The following VOPP1 variants were observed in gnomAD, a reference collection of about 807,000 sequenced individuals.
The protein encoded by VOPP1 is WW domain binding protein VOPP1.
Under a neutral mutation model 23.5 loss-of-function variants are expected in VOPP1, and 8 were observed. That is an observed-to-expected ratio of 0.34 (90% CI 0.20 to 0.61). The LOEUF (loss-of-function observed/expected upper bound fraction) is 0.61, where lower values mean the gene tolerates loss of function less well. VOPP1 is among the 20% of genes least tolerant of loss of function. The pLI, the probability that VOPP1 is intolerant of heterozygous loss-of-function variation, is 0.78. For missense variants in VOPP1, 174 were observed against 238.1 expected, an observed-to-expected ratio of 0.73 and a Z score of 1.77; for synonymous variants, 83 against 97.3, an observed-to-expected ratio of 0.85 and a Z score of 0.86.
intron 2 of VOPP1, among the ~76,000 whole-genome samples, chr7:55,516,385 G>C (rs1047487988): frequency 2.6e-5 from 4 of 152,170 alleles, no homozygotes; most frequent in Admixed American, 2.6e-4. Flanking sequence ...TTAAGGAAAT[G>C]AAATAAACCT....
At chr7:55,485,410 T>C (rs1245183575) in intron 4 of VOPP1, among the ~76,000 whole-genome samples, 17 of 152,190 alleles carry the variant, frequency 1.1e-4, no homozygotes, top group African/African-American at 2.4e-5. Flanking sequence ...TGAAAGTCGA[T>C]TTAAGGTTGA....
chr7:55,536,415 G>A (rs575109176), intron 1 of VOPP1, among the ~76,000 whole-genome samples: 1 of 152,258 alleles, frequency 6.6e-6, no homozygotes, highest in Admixed American at 6.5e-5. Flanking sequence ...TGTAGTCCCA[G>A]CTACTCGGGA....
intron 1 of VOPP1, chr7:55,561,748 C>CAAAAAAA: frequency 3.3e-6 from 1 of 300,310 alleles, no homozygotes; most frequent in Non-Finnish European, 5.9e-6. Context: ...TCCCCTCTTC[C>CAAAAAAA]AAAAAAAAAA....
chr7:55,534,322 T>A (rs1796658400), intron 1 of VOPP1, among the ~76,000 whole-genome samples: 1 of 152,160 alleles, frequency 6.6e-6, no homozygotes, highest in Non-Finnish European at 1.5e-5. Flanking sequence ...ATTTCTCATA[T>A]AATTTCCTAA....
At chr7:55,546,071 A>T (rs1797354479) in intron 1 of VOPP1, among the ~76,000 whole-genome samples, 1 of 152,066 alleles carries the variant, frequency 6.6e-6, no homozygotes, top group South Asian at 2.1e-4. Flanking sequence ...TGTCTCAATT[A>T]AAAAAAATAA....
At chr7:55,451,144 C>T (rs1452003876) in intron 4 of VOPP1, among the ~76,000 whole-genome samples, 1 of 152,150 alleles carries the variant, frequency 6.6e-6, no homozygotes. Context: ...TGACAATCAT[C>T]CTTGCACCCA....
intron 4 of VOPP1, among the ~76,000 whole-genome samples, chr7:55,449,972 C>A (rs530384256): frequency 2.6e-5 from 4 of 152,214 alleles, no homozygotes; most frequent in Admixed American, 6.5e-5. Flanking sequence ...AGGTGGTCAG[C>A]AGACCTTTGG....
chr7:55,552,656 A>G (rs998334214), intron 1 of VOPP1: 1 of 1,536,008 alleles, frequency 6.5e-7, no homozygotes, highest in Non-Finnish European at 8.7e-7. Flanking sequence ...TTCCTACCAT[A>G]TGACACCGCC....
At position 55,480,357 on chromosome 7, in the gene VOPP1, T is replaced by C. The variant is rs7802810; in HGVS notation, c.329-7312A>G. Among the ~76,000 whole-genome samples the C allele has an allele frequency of 8.6e-3, 1,311 of 152,344 alleles. 19 individuals are homozygous for C. The highest frequency in any genetic ancestry group is 0.03 in the African/African-American group (1,257 of 41,576). ...TACGCACTTTGCCATCTTACCAGAT[T>C]TTCCAATTCATGAATACTTCCTTGT... is the stretch of plus-strand genomic sequence containing the variant. On this transcript the variant is annotated intron_variant, in intron 4 of 4. Transcript: ENST00000285279.
At chr7:55,565,518 T>C (rs945497208) in intron 1 of VOPP1, among the ~76,000 whole-genome samples, 6 of 152,178 alleles carry the variant, frequency 3.9e-5, no homozygotes, top group African/African-American at 1.2e-4. Context: ...CAAAACAATA[T>C]GGGACACTGG....
intron 2 of VOPP1, among the ~76,000 whole-genome samples, chr7:55,518,623 T>A (rs1413970112): frequency 6.6e-6 from 1 of 152,218 alleles, no homozygotes; most frequent in Non-Finnish European, 1.5e-5. Context: ...GGGTTGGCGC[T>A]GCTGACTGCA....
chr7:55,442,779 G>C (rs563476854), intron 4 of VOPP1, among the ~76,000 whole-genome samples: 1 of 152,196 alleles, frequency 6.6e-6, no homozygotes, highest in Non-Finnish European at 1.5e-5. Context: ...GCTAGGCCCA[G>C]AGAGTGGGTG....
Position 55,470,781 on chromosome 7 carries a change from A to G in VOPP1, c.*2074T>C, listed in dbSNP as rs1791766130. On this transcript the variant is annotated 3_prime_UTR_variant, in exon 5 of 5. Transcript: ENST00000285279. The stretch of plus-strand genomic sequence containing the variant: ...AATTCTACACACCAGGAGCTGTCTC[A>G]CTCCAGGAAGTGGGCACAACCCACC... 6.6e-6 allele frequency: 1 copy of G among 152,230 alleles called. No individual in the cohort carries two copies. Among genetic ancestry groups the G allele is most frequent in the South Asian group, 2.1e-4 (1 of 4,824 alleles). 9.4% of individuals were successfully genotyped at this position (152,230 alleles called of 1,614,324 possible).
intron 1 of VOPP1, among the ~76,000 whole-genome samples, chr7:55,569,782 C>T (rs907227241): frequency 1.3e-5 from 2 of 152,196 alleles, no homozygotes; most frequent in Admixed American, 6.5e-5. Flanking sequence ...AAGCACTTCT[C>T]AAAACAGTCT....
At chr7:55,545,611 T>A (rs1339614685) in intron 1 of VOPP1, among the ~76,000 whole-genome samples, 4 of 152,098 alleles carry the variant, frequency 2.6e-5, no homozygotes, top group African/African-American at 7.2e-5. Flanking sequence ...GTGACTGCAG[T>A]TGGAATCACA....
At chr7:55,546,936 T>C (rs1359935561) in intron 1 of VOPP1, among the ~76,000 whole-genome samples, 1 of 152,214 alleles carries the variant, frequency 6.6e-6, no homozygotes, top group Non-Finnish European at 1.5e-5. Flanking sequence ...CCAGTGCCCC[T>C]GAACATGGAG....
rs764766215 is a variant in VOPP1 at position 55,492,349 on chromosome 7, G to A, written c.261C>T (p.Pro87=). 29 of 1,609,276 alleles carry A rather than the reference G, an allele frequency of 1.8e-5. No individual in the cohort carries two copies. Among genetic ancestry groups the A allele is most frequent in the Non-Finnish European group, 2.3e-5 (27 of 1,177,986 alleles). Residue 87 remains proline, a synonymous_variant, in exon 4 of 5, where the codon CCC becomes CCT. Coordinates refer to ENST00000285279, the MANE Select transcript of VOPP1 (RefSeq NM_030796.5). ...AGFFIRRRMY[P]PPLIEEPAFN... is the part of the protein sequence containing the mutation. ...AGGCTGGCTCCTCGATCAGCGGCGG[G>A]GGGTACATGCGCCTCCGGATGAAGA...
intron 4 of VOPP1, among the ~76,000 whole-genome samples, chr7:55,458,666 G>C (rs1791427674): frequency 6.6e-6 from 1 of 151,956 alleles, no homozygotes; most frequent in Non-Finnish European, 1.5e-5. Flanking sequence ...TTGTAAATGG[G>C]ATTGTCTTCC....
chr7:55,534,960 GGGGT>G, intron 1 of VOPP1, among the ~76,000 whole-genome samples: 1 of 152,348 alleles, frequency 6.6e-6, no homozygotes, highest in South Asian at 2.1e-4. Flanking sequence ...CAAAAGCCAG[GGGGT>G]GAGCTTGCTG....
Sources: gnomAD v4.1 joint callset for allele counts (sites outside exome capture counted in the v4.1 genomes callset) on GRCh38, gnomAD v4.1.1 for gene constraint, MANE v1.5 for transcripts, NCBI Gene and HGNC (gene_info 2026-07-23, HGNC 2026-07-21) for gene names.